TRANK1: variants seen among roughly 807,000 people sequenced by gnomAD.
TRANK1 encodes the protein tetratricopeptide repeat and ankyrin repeat containing 1.
In TRANK1, 198 loss-of-function variants were observed where a neutral mutation model predicts 266.0. The ratio of observed to expected loss-of-function variants is 0.74; its 90% CI spans 0.66 to 0.84. TRANK1 has a LOEUF of 0.84. Ranked by LOEUF, TRANK1 falls within the 40% of genes least tolerant of loss-of-function variation. The pLI, the probability that TRANK1 is intolerant of heterozygous loss-of-function variation, is 0.00. For synonymous variants in TRANK1, 1,396 were observed against 1,384.1 expected (o/e 1.01, Z -0.19); for missense variants, 3,326 against 3,634.6 (o/e 0.92, Z 2.18).
chr3:36,851,164 T>A (rs2078980305), intron 15 of TRANK1: 2 of 985,576 alleles, frequency 2.0e-6, no homozygotes, highest in Admixed American at 6.2e-5. Context: ...TGGGGACTCT[T>A]TGGCTGCCAT....
intron 21 of TRANK1, 146 bp from the exon 22 acceptor site, chr3:36,834,065 A>G: frequency 1.3e-6 from 1 of 781,678 alleles, no homozygotes; most frequent in Non-Finnish European, 1.9e-6. Context: ...GCATTCAAGT[A>G]TTTTTACAAA....
At chr3:36,854,737 G>A (rs897974880) in intron 13 of TRANK1, among the ~76,000 whole-genome samples, 15 of 151,622 alleles carry the variant, frequency 9.9e-5, no homozygotes, top group Non-Finnish European at 1.9e-4. Context: ...ACCCAAGTGT[G>A]TGTTAACTCC....
chr3:36,836,743 C>T (rs2078775526), intron 20 of TRANK1, among the ~76,000 whole-genome samples: 1 of 152,236 alleles, frequency 6.6e-6, no homozygotes, highest in Admixed American at 6.5e-5. Context: ...ATCCTGTCTG[C>T]TCGGTTTCCC....
Position 36,903,159 on chromosome 3 carries a change from G to T in TRANK1, c.272C>A (p.Thr91Asn). ...AAKECLQWDP[T>N]YVKGYYRAGY... Reference sequence around the variant, plus strand: ...CCTCCCACCCCATACCTTCACGTAGGTTGGATCCCATTGGAGACATTCCTT... The same window carrying T: ...CCTCCCACCCCATACCTTCACGTAGTTTGGATCCCATTGGAGACATTCCTT... Residue 91 changes from threonine to asparagine, a missense_variant, in exon 3 of 24, where the codon ACC (threonine) becomes AAC (asparagine). Coordinates refer to ENST00000645898, the MANE Select transcript of TRANK1 (RefSeq NM_001329998.2). The T allele has an allele frequency of 2.6e-6, 4 of 1,537,252 alleles. No homozygotes were observed. Among genetic ancestry groups the T allele is most frequent in the Non-Finnish European group, 3.5e-6 (4 of 1,146,894 alleles).
intron 1 of TRANK1, among the ~76,000 whole-genome samples, chr3:36,917,166 C>CCA (rs143116048): frequency 2.0e-5 from 3 of 150,838 alleles, no homozygotes; most frequent in East Asian, 1.9e-4. Flanking sequence ...ACACTCACAC[C>CCA]CACACACACA....
chr3:36,839,888 T>A (rs979169187), intron 18 of TRANK1, among the ~76,000 whole-genome samples: 3 of 152,234 alleles, frequency 2.0e-5, no homozygotes, highest in Non-Finnish European at 4.4e-5. Context: ...ATGAATCTTC[T>A]GTGGTGGTTC....
rs773648398 is a variant in TRANK1 at position 36,832,477 on chromosome 3, T to G, written c.7106A>C (p.Lys2369Thr). 16 of 1,613,960 alleles carry G rather than the reference T, an allele frequency of 9.9e-6. No homozygotes were observed. Among genetic ancestry groups the G allele is most frequent in the Non-Finnish European group, 1.4e-5 (16 of 1,179,896 alleles). Residue 2369 changes from lysine (K) to threonine (T), a missense_variant, in exon 22 of 24, where the codon AAG becomes ACG. Physicochemically the swap from Lys to Thr is moderately conservative, Grantham distance 78 (BLOSUM62 -1). Coordinates refer to ENST00000645898, the MANE Select transcript of TRANK1 (RefSeq NM_001329998.2). ...GCCTCTCCCCCTGCCCCTTTCATCC[T>G]TTTCAGACTCTAGAGCTTTGAGTTC... ...NRELKALESEKDERGRGRGSR... is the reference protein window; with the variant it reads ...NRELKALESETDERGRGRGSR...
At chr3:36,869,394 G>A (rs771179064) in intron 9 of TRANK1, among the ~76,000 whole-genome samples, 2 of 152,200 alleles carry the variant, frequency 1.3e-5, no homozygotes, top group Non-Finnish European at 2.9e-5. Flanking sequence ...AAGAGTCAAG[G>A]GAGAAAGTAT....
chr3:36,879,714 A>G (rs181287732), intron 8 of TRANK1, among the ~76,000 whole-genome samples: 9,889 of 108,730 alleles, frequency 0.091, 1,984 homozygotes, highest in Admixed American at 0.16. Flanking sequence ...ATATAAATAT[A>G]TAAATATATA....
chr3:36,862,986 C>T (rs368728202), intron 10 of TRANK1, among the ~76,000 whole-genome samples: 14 of 151,404 alleles, frequency 9.2e-5, no homozygotes, highest in South Asian at 2.1e-4. Context: ...GCCTACCCTA[C>T]GGCCAGTTAA....
intron 7 of TRANK1, among the ~76,000 whole-genome samples, chr3:36,891,949 C>A (rs980440875): frequency 6.6e-6 from 1 of 152,224 alleles, no homozygotes; most frequent in Admixed American, 6.5e-5. Context: ...TCCCAGGGCT[C>A]CATCCTCCTG....
intron 1 of TRANK1, among the ~76,000 whole-genome samples, chr3:36,937,278 T>C (rs912665748): frequency 6.6e-6 from 1 of 152,166 alleles, no homozygotes; most frequent in Non-Finnish European, 1.5e-5. Context: ...TCCAGATCAT[T>C]ATTTGGATGA....
intron 10 of TRANK1, among the ~76,000 whole-genome samples, chr3:36,863,263 A>C (rs2079169497): frequency 6.6e-6 from 1 of 152,234 alleles, no homozygotes; most frequent in African/African-American, 2.4e-5. Context: ...TTGGAAAAGC[A>C]GCATTCCCAT....
intron 4 of TRANK1, among the ~76,000 whole-genome samples, chr3:36,896,951 G>A (rs933960359): frequency 6.6e-6 from 1 of 151,756 alleles, no homozygotes; most frequent in East Asian, 1.9e-4. Flanking sequence ...CAGAGATCGC[G>A]CCATTGCACT....
chr3:36,831,836 G>A lies in TRANK1; in HGVS notation c.7747C>T (p.Pro2583Ser). Residue 2583 changes from proline to serine, a missense_variant, in exon 22 of 24, where the codon CCT becomes TCT. Physicochemically the swap from Pro to Ser is moderately conservative, Grantham distance 74. Transcript: ENST00000645898. The surrounding 1 kb of genome is among the most constrained non-coding windows in gnomAD (Gnocchi z 5.0). ...AEEILQPYCK[P>S]LLYRHFREIE... is the part of the protein sequence containing the mutation. ...TCCCGGAAGTGGCGATACAGGAGAG[G>A]CTTGCAGTATGGCTGCAGGATCTCC... is the stretch of plus-strand genomic sequence containing the variant. 1 of 1,613,988 alleles carries A rather than the reference G, an allele frequency of 6.2e-7. No homozygotes were observed. Among genetic ancestry groups the A allele is most frequent in the Non-Finnish European group, 8.5e-7 (1 of 1,179,898 alleles).
chr3:36,899,338 A>C (rs2079841702), intron 3 of TRANK1, 79 bp from the exon 4 acceptor site: 2 of 1,456,482 alleles, frequency 1.4e-6, no homozygotes, highest in East Asian at 5.0e-5. Flanking sequence ...CAAAATTGGC[A>C]ACATGGGAAA....
chr3:36,870,962 T>TAAAA (rs563787088), intron 9 of TRANK1, among the ~76,000 whole-genome samples: 15 of 65,090 alleles, frequency 2.3e-4, no homozygotes, highest in East Asian at 1.9e-3. Flanking sequence ...ACAAGGAAAC[T>TAAAA]AAAAAAAAAA....
upstream of TRANK1, among the ~76,000 whole-genome samples, chr3:36,945,549 C>G (rs757843602): frequency 1.3e-5 from 2 of 152,170 alleles, no homozygotes; most frequent in African/African-American, 2.4e-5. Flanking sequence ...CGCTCACCGT[C>G]GTGTCCATGG....
At chr3:36,866,728 A>G (rs1365717189) in intron 9 of TRANK1, among the ~76,000 whole-genome samples, 1 of 152,236 alleles carries the variant, frequency 6.6e-6, no homozygotes, top group Non-Finnish European at 1.5e-5. Context: ...TATAAGTCCA[A>G]AGACACTCCC....
Sources: gnomAD v4.1 joint callset for allele counts (sites outside exome capture counted in the v4.1 genomes callset) on GRCh38, gnomAD v4.1.1 for gene constraint, Gnocchi (gnomAD v3.1) non-coding constraint, MANE v1.5 for transcripts, NCBI Gene and HGNC (gene_info 2026-07-23, HGNC 2026-07-21) for gene names.